CLIP2: variants seen among roughly 807,000 people sequenced by gnomAD.
CLIP2 encodes the protein CAP-Gly domain-containing linker protein 2.
In CLIP2, 41 loss-of-function variants were observed where a neutral mutation model predicts 111.7. The ratio of observed to expected loss-of-function variants is 0.37; its 90% CI spans 0.29 to 0.48. CLIP2 has a LOEUF of 0.48. Among genes scored for constraint, CLIP2 ranks in the 20% least tolerant of loss-of-function variants. The pLI, the probability that CLIP2 is intolerant of heterozygous loss-of-function variation, is 0.99. For synonymous variants in CLIP2, 660 were observed against 644.2 expected, an observed-to-expected ratio of 1.02 and a Z score of -0.37; for missense variants, 1,160 against 1,422.1, an observed-to-expected ratio of 0.82 and a Z score of 2.96.
At chr7:74,341,526 G>T (rs753499561) in intron 3 of CLIP2, among the ~76,000 whole-genome samples, 3 of 151,880 alleles carry the variant, frequency 2.0e-5, no homozygotes, top group Non-Finnish European at 4.4e-5. Context: ...ACAAGTGCCT[G>T]CCCACTGTTC....
intron 3 of CLIP2, among the ~76,000 whole-genome samples, chr7:74,353,320 G>A (rs984176331): frequency 1.3e-5 from 2 of 150,164 alleles, no homozygotes; most frequent in African/African-American, 2.5e-5. Context: ...GCGCAATCTC[G>A]GCTCACTGCA....
chr7:74,360,240 G>T lies in CLIP2; in HGVS notation c.1281G>T (p.Glu427Asp). 1 of 1,606,836 alleles carries T rather than the reference G, an allele frequency of 6.2e-7. No homozygotes were observed. The highest frequency in any genetic ancestry group is 1.7e-5 in the Admixed American group (1 of 58,914). Residue 427 changes from glutamate (E) to aspartate (D), a missense_variant, in exon 7 of 17, where the codon GAG becomes GAT. Glu to Asp is a conservative substitution (Grantham distance 45). Transcript: ENST00000223398. ...ARLLVESVRKEKVDLSNQLEE... is the reference protein window; with the variant it reads ...ARLLVESVRKDKVDLSNQLEE... ...TGCTCGTGGAGAGCGTGCGGAAAGA[G>T]AAGGTGGACCTGTCCAACCAGCTGG...
chr7:74,326,156 C>T (rs1789100403), intron 2 of CLIP2, among the ~76,000 whole-genome samples: 1 of 152,162 alleles, frequency 6.6e-6, no homozygotes, highest in Non-Finnish European at 1.5e-5. Flanking sequence ...AGGAGAATGG[C>T]TTGAACCTGG....
chr7:74,364,177 C>T, intron 7 of CLIP2, 78 bp from the exon 8 acceptor site: 3 of 1,336,586 alleles, frequency 2.2e-6, no homozygotes, highest in Non-Finnish European at 3.1e-6. Flanking sequence ...GGCCTTGCCT[C>T]TCTCTGCTGT....
chr7:74,349,356 A>T (rs1192671143), intron 3 of CLIP2, among the ~76,000 whole-genome samples: 3 of 148,598 alleles, frequency 2.0e-5, no homozygotes, highest in Non-Finnish European at 4.5e-5. Flanking sequence ...ACTTGAACCC[A>T]GGAGGCAGAG....
chr7:74,393,585 C>T (rs1405953872), intron 13 of CLIP2, among the ~76,000 whole-genome samples: 1 of 152,084 alleles, frequency 6.6e-6, no homozygotes, highest in East Asian at 1.9e-4. Flanking sequence ...ATCCACCCGC[C>T]TCAGCCTCCC....
In CLIP2 at chr7:74,385,819, C is replaced by T. The variant is rs565969046; in HGVS notation, c.2480-702C>T. Among the ~76,000 whole-genome samples, 144 of 147,758 alleles carry T rather than the reference C, an allele frequency of 9.7e-4. 1 individual carries two copies. Among genetic ancestry groups the T allele is most frequent in the Non-Finnish European group, 2.0e-3 (133 of 67,126 alleles). ...GTGCGATGGTGCGATCTCTGCTCAC[C>T]GCAACCTCTGCCTCCCAAGTTCAAG... is the stretch of plus-strand genomic sequence containing the variant. On this transcript the variant is annotated intron_variant, in intron 11 of 16. Transcript: ENST00000223398.
rs371836918 is a variant in CLIP2, at chr7:74,376,829, G to A, written c.2421+7G>A. The A allele has an allele frequency of 1.3e-5, 21 of 1,564,644 alleles. No homozygotes were observed. The East Asian group carries it at 2.3e-4, about 17-fold the overall frequency. ...CTCCTCCCAGCACACCCACGTAGGC[G>A]CCTGCCCCTCCTGCTGGGGCGGGAG... On this transcript the variant is annotated splice_region_variant and intron_variant, in intron 10 of 16. Transcript: ENST00000223398. The surrounding 1 kb of genome is among the most constrained non-coding windows in gnomAD (Gnocchi z 7.1).
intron 2 of CLIP2, among the ~76,000 whole-genome samples, chr7:74,328,126 C>T (rs1789169696): frequency 6.6e-6 from 1 of 151,980 alleles, no homozygotes; most frequent in Admixed American, 6.6e-5. Context: ...CAGACGGACC[C>T]CTCCCTGGTC....
At chr7:74,309,307 C>T (rs1344763381) in intron 1 of CLIP2, among the ~76,000 whole-genome samples, 6 of 151,802 alleles carry the variant, frequency 4.0e-5, no homozygotes, top group African/African-American at 1.2e-4. Flanking sequence ...GAAACCCCGT[C>T]TCTACTAAAA....
At chr7:74,370,349 G>A (rs1479889311) in intron 8 of CLIP2, among the ~76,000 whole-genome samples, 2 of 151,242 alleles carry the variant, frequency 1.3e-5, no homozygotes, top group South Asian at 2.1e-4. Context: ...CCAGCTACTC[G>A]GGAGGCTGAG....
Position 74,400,429 on chromosome 7 carries a change from G to T in CLIP2, c.2940G>T (p.Ala980=). The T allele has an allele frequency of 1.9e-6, 3 of 1,614,026 alleles. No individual in the cohort carries two copies. The highest frequency in any genetic ancestry group is 2.5e-6 in the Non-Finnish European group (3 of 1,179,926). ...RRYSLIDRSS[A]PELLRLQHQL... is the part of the protein sequence containing the mutation. Reference sequence around the variant, plus strand: ...ACTCCCTCATCGACCGGTCCTCGGCGCCCGAGCTTCTGCGGCTGCAGCACC... The same window carrying T: ...ACTCCCTCATCGACCGGTCCTCGGCTCCCGAGCTTCTGCGGCTGCAGCACC... The change falls in exon 15 of 17, where the codon GCG becomes GCT. Residue 980 remains alanine, a synonymous_variant. Coordinates refer to ENST00000223398, the MANE Select transcript of CLIP2 (RefSeq NM_003388.5).
chr7:74,354,629 G>A (rs1554308156), intron 4 of CLIP2, among the ~76,000 whole-genome samples: 1 of 151,792 alleles, frequency 6.6e-6, no homozygotes, highest in East Asian at 1.9e-4. Context: ...AAATTAGCCA[G>A]GCATGGTGGC....
rs187206232 is a variant in CLIP2, at chr7:74,364,249, C to A, written c.1320-6C>A. On this transcript the variant is annotated splice_polypyrimidine_tract_variant and splice_region_variant and intron_variant, in intron 7 of 16. Transcript: ENST00000223398. ...CAGGTCAGCCACCTCTTTCCCTCCC[C>A]TGCAGGAAGGTGGAGGATCTGCAGT... 9.1e-4 allele frequency: 1,460 copies of A among 1,612,744 alleles called. 1 individual carries two copies. The highest frequency in any genetic ancestry group is 1.1e-3 in the Non-Finnish European group (1,342 of 1,179,452).
intron 8 of CLIP2, among the ~76,000 whole-genome samples, chr7:74,371,442 G>C (rs1790617541): frequency 6.7e-6 from 1 of 149,990 alleles, no homozygotes; most frequent in African/African-American, 2.4e-5. Flanking sequence ...GGGTGGCTGG[G>C]ATGGAGCTTG....
rs984797163 is a variant in CLIP2, at chr7:74,365,045, G to A, written c.1380+730G>A. Reference sequence around the variant, plus strand: ...TGTGTGTGTGTGTGTGTGTGTGTGTGTGTGTGACTGTCTCAAAAAAAAGAA... The same window carrying A: ...TGTGTGTGTGTGTGTGTGTGTGTGTATGTGTGACTGTCTCAAAAAAAAGAA... On this transcript the variant is annotated intron_variant, in intron 8 of 16. Coordinates refer to ENST00000223398, the MANE Select transcript of CLIP2 (RefSeq NM_003388.5). 1.7e-4 allele frequency among the ~76,000 whole-genome samples: 21 copies of A among 125,342 alleles called. No individual in the cohort carries two copies. In the East Asian group the frequency reaches 2.8e-3, roughly 17 times the overall value. The allele number at this position is 125,342 out of a possible 152,430, so 82.2% of individuals were successfully genotyped here.
rs75461935 is a variant in CLIP2, at chr7:74,331,436, T to C, written c.122-7012T>C. Among the ~76,000 whole-genome samples, 143 of 151,830 alleles carry C rather than the reference T, an allele frequency of 9.4e-4. No individual in the cohort carries two copies. The East Asian group carries it at 0.016, about 17-fold the overall frequency. ...GCAAGAGCTGAGGAAGGAGGTCATG[T>C]GGGTTCAGGATGTTGGGTGTAAGGT... On this transcript the variant is annotated intron_variant, in intron 2 of 16. Coordinates refer to ENST00000223398, the MANE Select transcript of CLIP2 (RefSeq NM_003388.5).
At chr7:74,402,676 A>T (rs1157629261) in intron 16 of CLIP2, among the ~76,000 whole-genome samples, 1 of 152,072 alleles carries the variant, frequency 6.6e-6, no homozygotes, top group African/African-American at 2.4e-5. Context: ...TTGGTGATAA[A>T]GTGAGACCCT....
chr7:74,292,682 C>T (rs1554725565), intron 1 of CLIP2, among the ~76,000 whole-genome samples: 1 of 152,284 alleles, frequency 6.6e-6, no homozygotes, highest in Middle Eastern at 3.4e-3. Flanking sequence ...GCCACCACGC[C>T]TGGCCTGGTT....
Sources: gnomAD v4.1 joint callset for allele counts (sites outside exome capture counted in the v4.1 genomes callset) on GRCh38, gnomAD v4.1.1 for gene constraint, Gnocchi (gnomAD v3.1) non-coding constraint, MANE v1.5 for transcripts, NCBI Gene and HGNC (gene_info 2026-07-23, HGNC 2026-07-21) for gene names.